Variants in LRBA observed in about 807,000 individuals in gnomAD.
The protein encoded by LRBA is lipopolysaccharide-responsive and beige-like anchor protein.
LRBA carries 176 observed loss-of-function variants against 330.0 expected under a neutral mutation model. That is an observed-to-expected ratio of 0.53 (90% CI 0.47 to 0.60). The LOEUF is 0.60. Ranked by LOEUF, LRBA falls within the 20% of genes least tolerant of loss-of-function variation. The pLI, the probability that LRBA is intolerant of heterozygous loss-of-function variation, is 0.00. For synonymous variants in LRBA, 1,230 were observed against 1,193.0 expected, an observed-to-expected ratio of 1.03 and a Z score of -0.64; for missense variants, 3,259 against 3,444.8, an observed-to-expected ratio of 0.95 and a Z score of 1.35.
chr4:150,650,456 G>A (rs1779602742), intron 37 of LRBA, among the ~76,000 whole-genome samples: 1 of 151,946 alleles, frequency 6.6e-6, no homozygotes, highest in Non-Finnish European at 1.5e-5. Context: ...GTTTCCAAAT[G>A]AACAATGAAA....
chr4:150,701,361 A>T (rs543413232), intron 36 of LRBA, among the ~76,000 whole-genome samples: 1 of 152,236 alleles, frequency 6.6e-6, no homozygotes, highest in Non-Finnish European at 1.5e-5. Flanking sequence ...TATAGTAAAT[A>T]CATAAACCAG....
chr4:150,318,205 GCCA>G (rs1731981454), intron 50 of LRBA, among the ~76,000 whole-genome samples: 1 of 151,996 alleles, frequency 6.6e-6, no homozygotes, highest in African/African-American at 2.4e-5. Flanking sequence ...GTTCTTTTTG[GCCA>G]CCAGTTAGAA....
chr4:150,483,136 G>GT (rs1186810436), intron 42 of LRBA, among the ~76,000 whole-genome samples: 1 of 151,820 alleles, frequency 6.6e-6, no homozygotes, highest in Non-Finnish European at 1.5e-5. Flanking sequence ...TCTACACTAC[G>GT]TTTTTTTCTG....
chr4:150,631,080 A>G (rs116469221), intron 37 of LRBA, among the ~76,000 whole-genome samples: 2,618 of 152,104 alleles, frequency 0.017, 84 homozygotes, highest in African/African-American at 0.058. Flanking sequence ...AGTCCTTAAA[A>G]TATTTTCTTT....
chr4:150,357,150 T>G (rs769166361), intron 47 of LRBA, among the ~76,000 whole-genome samples: 2 of 152,160 alleles, frequency 1.3e-5, no homozygotes, highest in Non-Finnish European at 1.5e-5. Context: ...GCAGAAGAGA[T>G]ATTTTGAGCC....
intron 40 of LRBA, among the ~76,000 whole-genome samples, chr4:150,517,260 A>G (rs1443631364): frequency 6.6e-6 from 1 of 152,178 alleles, no homozygotes; most frequent in East Asian, 1.9e-4. Context: ...AGCGGCTCAC[A>G]CTTGCAATCC....
chr4:150,611,675 C>G (rs919788099), intron 37 of LRBA, among the ~76,000 whole-genome samples: 39 of 152,164 alleles, frequency 2.6e-4, no homozygotes, highest in Admixed American at 1.1e-3. Context: ...TAAGGAGTTA[C>G]AAGGCTCTAT....
At chr4:150,419,853 G>A (rs1273486397) in intron 46 of LRBA, among the ~76,000 whole-genome samples, 1 of 151,186 alleles carries the variant, frequency 6.6e-6, no homozygotes, top group Non-Finnish European at 1.5e-5. Context: ...GGCCAGGCTA[G>A]TCTCAAACTC....
Position 150,928,896 on chromosome 4 carries a change from G to C in LRBA, c.386C>G (p.Thr129Ser). 1 of 1,613,952 alleles carries C rather than the reference G, an allele frequency of 6.2e-7. No homozygotes were observed. The highest frequency in any genetic ancestry group is 8.5e-7 in the Non-Finnish European group (1 of 1,179,968). ...KKSIRNLQVC[T>S]EVGLVEKVLG... ...CACTTTTTCAACAAGGCCTACTTCAGTGCAGACTTGAAGATTCCGTATGCT... is the reference window on the plus strand; with the variant it reads ...CACTTTTTCAACAAGGCCTACTTCACTGCAGACTTGAAGATTCCGTATGCT... The change falls in exon 3 of 57, where the codon ACT becomes AGT. Residue 129 changes from threonine (T) to serine (S), a missense_variant. Thr to Ser is a moderately conservative substitution (Grantham distance 58, BLOSUM62 1). Transcript: ENST00000651943.
chr4:150,497,540 CTATA>C (rs1445397512), intron 40 of LRBA, among the ~76,000 whole-genome samples: 3 of 152,042 alleles, frequency 2.0e-5, no homozygotes, highest in African/African-American at 7.2e-5. Context: ...TTTTTTTCAT[CTATA>C]CAGTATATTT....
chr4:150,601,010 C>A (rs934071816), intron 37 of LRBA, among the ~76,000 whole-genome samples: 1 of 152,160 alleles, frequency 6.6e-6, no homozygotes, highest in African/African-American at 2.4e-5. Flanking sequence ...AGGGTCTATT[C>A]ATCAGTGCGG....
intron 2 of LRBA, among the ~76,000 whole-genome samples, chr4:151,008,071 GT>G (rs936466114): frequency 4.0e-5 from 6 of 151,134 alleles, no homozygotes; most frequent in African/African-American, 9.7e-5. Context: ...AAAATGAGAA[GT>G]TTTTTTCTTT....
At chr4:150,298,337 T>C (rs1000092661) in intron 53 of LRBA, among the ~76,000 whole-genome samples, 4 of 152,080 alleles carry the variant, frequency 2.6e-5, no homozygotes, top group African/African-American at 9.7e-5. Flanking sequence ...ATCAGTAGTA[T>C]TTATAGTCAC....
At chr4:150,817,689 C>T (rs1476790896) in intron 30 of LRBA, among the ~76,000 whole-genome samples, 1 of 150,544 alleles carries the variant, frequency 6.6e-6, no homozygotes, top group African/African-American at 2.4e-5. Context: ...ATGTATACAA[C>T]CCAGTTTTTC....
At chr4:150,484,275 G>C (rs1009775116) in intron 42 of LRBA, among the ~76,000 whole-genome samples, 4 of 151,872 alleles carry the variant, frequency 2.6e-5, no homozygotes, top group African/African-American at 9.7e-5. Context: ...TTAAACATTT[G>C]ATAGAATTCA....
intron 54 of LRBA, among the ~76,000 whole-genome samples, chr4:150,283,496 C>T (rs1172537201): frequency 2.6e-5 from 4 of 152,166 alleles, no homozygotes; most frequent in African/African-American, 4.8e-5. Context: ...CTGGGGTATG[C>T]GCCCTGCTAC....
At chr4:150,711,956 GTAC>G (rs1285412657) in intron 36 of LRBA, among the ~76,000 whole-genome samples, 2 of 152,216 alleles carry the variant, frequency 1.3e-5, no homozygotes, top group Non-Finnish European at 2.9e-5. Flanking sequence ...GTTTATGAAG[GTAC>G]TCATTTAGAA....
intron 38 of LRBA, 149 bp downstream of exon 38, chr4:150,598,858 A>G: frequency 1.2e-6 from 1 of 802,822 alleles, no homozygotes; most frequent in Non-Finnish European, 1.9e-6. Context: ...TATAGTAACT[A>G]TAAAAAAATT....
rs76047186 is a variant in LRBA at position 150,464,429 on chromosome 4, A to G, written c.6780+3244T>C. ...CCAGTTTTTATTATTGACCTACTGC[A>G]TGGCTCATTACACAAGTCAAACTAA... is the stretch of plus-strand genomic sequence containing the variant. On this transcript the variant is annotated intron_variant, in intron 44 of 56. Coordinates refer to ENST00000651943, the MANE Select transcript of LRBA (RefSeq NM_001364905.1). Among the ~76,000 whole-genome samples the G allele has an allele frequency of 6.4e-4, 98 of 152,226 alleles. 1 individual carries two copies. The East Asian group carries it at 0.017, about 26-fold the overall frequency.
Sources: allele counts gnomAD v4.1 joint callset (sites outside exome capture counted in the v4.1 genomes callset), GRCh38; gene constraint gnomAD v4.1.1; transcripts MANE v1.5; gene names NCBI Gene and HGNC (gene_info 2026-07-23, HGNC 2026-07-21).